COPG2: variants seen among roughly 807,000 people sequenced by gnomAD.
COPG2 encodes the protein coatomer subunit gamma-2.
COPG2 carries 37 observed loss-of-function variants against 46.3 expected under a neutral mutation model. The observed-to-expected ratio is 0.80, with a 90% CI of 0.61 to 1.05. COPG2 has a LOEUF of 1.05. Among genes scored for constraint, COPG2 ranks in the 50% least tolerant of loss-of-function variants. COPG2 has a pLI of 0.00. For missense variants in COPG2, 427 were observed against 387.8 expected (o/e 1.10, Z -0.85); for synonymous variants, 159 against 129.7 (o/e 1.23, Z -1.53).
At chr7:130,517,544 A>G (rs1584961494) in intron 20 of COPG2, among the ~76,000 whole-genome samples, 1 of 152,256 alleles carries the variant, frequency 6.6e-6, no homozygotes, top group Admixed American at 6.5e-5. Flanking sequence ...ATTCTCCTAA[A>G]AAGGTACTGC....
intron 4 of COPG2, among the ~76,000 whole-genome samples, chr7:130,658,680 A>T (rs1455464365): frequency 6.6e-6 from 1 of 151,982 alleles, no homozygotes; most frequent in African/African-American, 2.4e-5. Flanking sequence ...TAAGATGACA[A>T]CCTGATTTTT....
At chr7:130,650,998 GC>G (rs1563071413) in intron 5 of COPG2, among the ~76,000 whole-genome samples, 1 of 152,130 alleles carries the variant, frequency 6.6e-6, no homozygotes, top group African/African-American at 2.4e-5. Flanking sequence ...GTTTACATCT[GC>G]TTTTCTGTTA....
chr7:130,537,013 C>G (rs1224316975), intron 20 of COPG2, among the ~76,000 whole-genome samples: 1 of 151,940 alleles, frequency 6.6e-6, no homozygotes, highest in Non-Finnish European at 1.5e-5. Context: ...GTGGGACTGA[C>G]AGGAGCACCC....
intron 5 of COPG2, among the ~76,000 whole-genome samples, chr7:130,623,218 C>G (rs1795066374): frequency 6.6e-6 from 1 of 152,212 alleles, no homozygotes; most frequent in Non-Finnish European, 1.5e-5. Flanking sequence ...ATGCTTCTGT[C>G]TTTTCACACC....
chr7:130,576,574 A>G (rs1794001886), intron 9 of COPG2, among the ~76,000 whole-genome samples: 1 of 152,216 alleles, frequency 6.6e-6, no homozygotes, highest in Admixed American at 6.5e-5. Flanking sequence ...CAGTGCTAAG[A>G]GGAAAGTTCA....
At chr7:130,569,273 G>T (rs942016403) in intron 9 of COPG2, among the ~76,000 whole-genome samples, 13 of 152,128 alleles carry the variant, frequency 8.5e-5, no homozygotes, top group Non-Finnish European at 1.3e-4. Flanking sequence ...GAAACAAAAA[G>T]CTAGTTCTTT....
intron 5 of COPG2, among the ~76,000 whole-genome samples, chr7:130,638,200 G>A (rs1795383573): frequency 6.6e-6 from 1 of 152,124 alleles, no homozygotes; most frequent in South Asian, 2.1e-4. Context: ...GAGGCACAGG[G>A]GTCAGGGACC....
intron 4 of COPG2, among the ~76,000 whole-genome samples, chr7:130,660,940 C>T (rs1795965013): frequency 6.6e-6 from 1 of 152,200 alleles, no homozygotes; most frequent in African/African-American, 2.4e-5. Context: ...TCCAACCACT[C>T]AACTTTTTTG....
rs919543649 is a variant in COPG2 at position 130,633,714 on chromosome 7, T to C, written c.324-16649A>G. Among the ~76,000 whole-genome samples the C allele has an allele frequency of 6.2e-4, 95 of 152,342 alleles. 1 individual carries two copies. The highest frequency in any genetic ancestry group is 2.4e-3 in the Admixed American group (36 of 15,296). ...AGTTTCTTTCATTGTGCAGAAGCTC[T>C]TTAGTTTAATTAGATCCCATTTGTC... On this transcript the variant is annotated intron_variant, in intron 5 of 23. Coordinates refer to ENST00000425248, the MANE Select transcript of COPG2 (RefSeq NM_012133.6).
chr7:130,548,747 C>T lies in COPG2; in HGVS notation c.1838-205G>A, dbSNP rs996035007. ...CCTGGCTAACATGGTGAAACCCCGT[C>T]TCTACTAAAAATACAAAAAAATTAG... On this transcript the variant is annotated intron_variant, in intron 18 of 23. Transcript: ENST00000425248. Among the ~76,000 whole-genome samples the T allele has an allele frequency of 1.5e-4, 23 of 152,140 alleles. No individual in the cohort carries two copies. In the East Asian group the frequency reaches 3.5e-3, roughly 23 times the overall value.
At chr7:130,507,923 C>A in intron 21 of COPG2, 100 bp from the exon 22 acceptor site, 1 of 693,726 alleles carries the variant, frequency 1.4e-6, no homozygotes, top group Non-Finnish European at 2.6e-6. Context: ...AGAGAAAACT[C>A]TACCACCAAA....
At chr7:130,653,075 A>C (rs158681) in intron 4 of COPG2, 127 bp from the exon 5 acceptor site, 1 of 257,810 alleles carries the variant, frequency 3.9e-6, no homozygotes, top group Non-Finnish European at 6.6e-6. Context: ...CTCATCTACC[A>C]AAAAAAAAAA....
At chr7:130,643,125 T>G (rs758576176) in intron 5 of COPG2, among the ~76,000 whole-genome samples, 3 of 151,830 alleles carry the variant, frequency 2.0e-5, no homozygotes, top group Non-Finnish European at 4.4e-5. Flanking sequence ...TGAAACCCCG[T>G]CTCTACTAAA....
At chr7:130,605,594 T>C (rs1189220657) in intron 9 of COPG2, 5 of 406,350 alleles carry the variant, frequency 1.2e-5, no homozygotes, top group African/African-American at 1.0e-4. Flanking sequence ...AGTTGCTCAT[T>C]GAAAGCATGA....
At chr7:130,557,537 T>C in intron 12 of COPG2, among the ~76,000 whole-genome samples, 1 of 152,244 alleles carries the variant, frequency 6.6e-6, no homozygotes, top group Non-Finnish European at 1.5e-5. Flanking sequence ...CTGGGCATGG[T>C]GGCTCATGCC....
At chr7:130,658,324 T>C (rs539530080) in intron 4 of COPG2, among the ~76,000 whole-genome samples, 26 of 152,278 alleles carry the variant, frequency 1.7e-4, no homozygotes, top group Admixed American at 4.6e-4. Context: ...TTCATATGAC[T>C]TCCTGGAAAA....
At chr7:130,529,461 GAGA>G (rs1799803943) in intron 20 of COPG2, among the ~76,000 whole-genome samples, 1 of 152,168 alleles carries the variant, frequency 6.6e-6, no homozygotes, top group Non-Finnish European at 1.5e-5. Flanking sequence ...ATGATAGGGG[GAGA>G]ATCTCATGAA....
intron 19 of COPG2, 72 bp downstream of exon 19, chr7:130,548,331 G>C: frequency 2.5e-6 from 1 of 397,760 alleles, no homozygotes; most frequent in African/African-American, 2.1e-5. Flanking sequence ...TAGAATTATA[G>C]GTAAAGGATA....
At chr7:130,572,141 T>C (rs782523537) in intron 9 of COPG2, among the ~76,000 whole-genome samples, 32 of 152,116 alleles carry the variant, frequency 2.1e-4, no homozygotes, top group Non-Finnish European at 4.0e-4. Context: ...TTGGGTATAG[T>C]GTACACTACT....
Sources: allele counts gnomAD v4.1 joint callset (sites outside exome capture counted in the v4.1 genomes callset), GRCh38; gene constraint gnomAD v4.1.1; transcripts MANE v1.5; gene names NCBI Gene and HGNC (gene_info 2026-07-23, HGNC 2026-07-21).